Variants in COL27A1 observed in about 807,000 individuals in gnomAD.
The protein encoded by COL27A1 is collagen type XXVII alpha 1 chain.
A neutral mutation model predicts 251.3 loss-of-function variants in COL27A1; 106 were observed. The observed-to-expected ratio is 0.42, with a 90% confidence interval of 0.36 to 0.50. The LOEUF (loss-of-function observed/expected upper bound fraction) is 0.50. COL27A1 is among the 20% of genes least tolerant of loss of function. The probability of loss-of-function intolerance (pLI) is 0.00; values close to 1 mark genes in which losing one functional copy is unlikely to be tolerated. For synonymous variants in COL27A1, 1,000 were observed against 986.3 expected, an observed-to-expected ratio of 1.01 and a Z score of -0.26; for missense variants, 2,325 against 2,522.8, an observed-to-expected ratio of 0.92 and a Z score of 1.68.
chr9:114,196,705 G>A (rs939505314), intron 7 of COL27A1, among the ~76,000 whole-genome samples: 4 of 152,152 alleles, frequency 2.6e-5, no homozygotes, highest in South Asian at 2.1e-4. Context: ...GTTATGTCAC[G>A]CCCATCCCAT....
chr9:114,192,308 C>T (rs1828801570), intron 5 of COL27A1, among the ~76,000 whole-genome samples: 1 of 152,200 alleles, frequency 6.6e-6, no homozygotes, highest in South Asian at 2.1e-4. Flanking sequence ...GAAAGAGCTG[C>T]TGTCCTTTTT....
chr9:114,280,090 T>C (rs531773215), intron 37 of COL27A1, among the ~76,000 whole-genome samples: 165 of 152,352 alleles, frequency 1.1e-3, no homozygotes, highest in African/African-American at 3.9e-3. Context: ...TAAAATTTCA[T>C]TGGAAATACT....
At chr9:114,300,551 G>A in intron 50 of COL27A1, 74 bp from the exon 51 acceptor site, 2 of 1,257,282 alleles carry the variant, frequency 1.6e-6, no homozygotes, top group Non-Finnish European at 2.2e-6. Flanking sequence ...ACAGACCCCA[G>A]GGGTGAGGGA....
chr9:114,231,101 C>T lies in COL27A1; in HGVS notation c.2489C>T (p.Pro830Leu), dbSNP rs774595771. ...CAGGGTGACTTAGGAGTGTTGGGTC[C>T]GATTGGCTACCCGGGACCCAAGGGC... ...GLIGDLGVLG[P>L]IGYPGPKGMK... The change falls in exon 15 of 61, where the codon CCG becomes CTG. Residue 830 changes from proline to leucine, a missense_variant. Pro to Leu is a moderately conservative substitution (Grantham distance 98). Transcript: ENST00000356083. 13 of 1,613,332 alleles carry T rather than the reference C, an allele frequency of 8.1e-6. No individual in the cohort carries two copies. The highest frequency in any genetic ancestry group is 1.6e-4 in the Middle Eastern group (1 of 6,082).
At position 114,243,512 on chromosome 9, in the gene COL27A1, G is replaced by A; in HGVS notation, c.2886G>A (p.Gln962=). ...GPPGAPGLEG[Q]PGRKGFPGRP... is the part of the protein sequence containing the mutation. ...TACCTGTCTCTCTGTTGCAGGGTCA[G>A]CCTGGCAGGAAGGGGTTTCCTGGGA... Residue 962 remains glutamine (Q), a synonymous_variant, in exon 23 of 61, where the codon CAG becomes CAA. Transcript: ENST00000356083. The A allele has an allele frequency of 6.2e-7, 1 of 1,614,014 alleles. No homozygotes were observed. Among genetic ancestry groups the A allele is most frequent in the Non-Finnish European group, 8.5e-7 (1 of 1,179,962 alleles).
intron 14 of COL27A1, among the ~76,000 whole-genome samples, chr9:114,223,255 C>T (rs998624834): frequency 1.3e-5 from 2 of 152,160 alleles, no homozygotes; most frequent in East Asian, 1.9e-4. Flanking sequence ...TTTGGGGGCC[C>T]GTGGAGGGAC....
At chr9:114,281,705 A>G (rs1194703932) in intron 37 of COL27A1, among the ~76,000 whole-genome samples, 1 of 152,180 alleles carries the variant, frequency 6.6e-6, no homozygotes, top group Non-Finnish European at 1.5e-5. Context: ...ATCAGTGGGG[A>G]CCATGAGCCA....
intron 5 of COL27A1, among the ~76,000 whole-genome samples, chr9:114,184,095 C>T (rs763931910): frequency 1.5e-5 from 2 of 134,010 alleles, no homozygotes; most frequent in African/African-American, 2.8e-5. Flanking sequence ...GCTAAGAGAA[C>T]AGTGCCTGTG....
chr9:114,224,323 T>A (rs1007603090), intron 14 of COL27A1, among the ~76,000 whole-genome samples: 3 of 152,178 alleles, frequency 2.0e-5, no homozygotes, highest in Non-Finnish European at 2.9e-5. Flanking sequence ...GGGAGCCTAG[T>A]CCATTCTACA....
chr9:114,290,976 C>G lies in COL27A1; in HGVS notation c.4476+59C>G, dbSNP rs546374896. 6.1e-6 allele frequency: 8 copies of G among 1,306,212 alleles called. No homozygotes were observed. Among genetic ancestry groups the G allele is most frequent in the Non-Finnish European group, 8.5e-6 (8 of 938,722 alleles). The allele number at this position is 1,306,212 out of a possible 1,614,324, so 80.9% of individuals were successfully genotyped here. Reference sequence around the variant, plus strand: ...TGCCCTTTCTGCCTTGATGCAGACTCTAGTGGTTCCGACCCTTTGGGCACC... The same window carrying G: ...TGCCCTTTCTGCCTTGATGCAGACTGTAGTGGTTCCGACCCTTTGGGCACC... On this transcript the variant is annotated intron_variant, in intron 48 of 60. Transcript: ENST00000356083. The surrounding 1 kb of genome is among the most constrained non-coding windows in gnomAD (Gnocchi z 4.6).
intron 3 of COL27A1, among the ~76,000 whole-genome samples, chr9:114,169,845 C>T (rs1404368630): frequency 6.6e-6 from 1 of 152,244 alleles, no homozygotes; most frequent in South Asian, 2.1e-4. Flanking sequence ...CTTCCAAAGC[C>T]CCGTTCTCCC....
intron 5 of COL27A1, among the ~76,000 whole-genome samples, chr9:114,187,351 G>A (rs1328554910): frequency 6.6e-6 from 1 of 152,232 alleles, no homozygotes; most frequent in African/African-American, 2.4e-5. Context: ...CAAGAAGAAA[G>A]TGAGCTATCT....
At chr9:114,283,581 C>A in intron 39 of COL27A1, 128 bp from the exon 40 acceptor site, 1 of 786,814 alleles carries the variant, frequency 1.3e-6, no homozygotes, top group Non-Finnish European at 2.2e-6. Flanking sequence ...TGTTCACACA[C>A]TTTGGTTATG....
At chr9:114,244,946 C>T (rs1468737053) in intron 23 of COL27A1, among the ~76,000 whole-genome samples, 1 of 152,094 alleles carries the variant, frequency 6.6e-6, no homozygotes. Context: ...TGGGACAGAG[C>T]CTTGAAGACA....
chr9:114,201,311 C>A (rs1273028230), intron 7 of COL27A1, among the ~76,000 whole-genome samples: 1 of 152,222 alleles, frequency 6.6e-6, no homozygotes, highest in African/African-American at 2.4e-5. Flanking sequence ...TCAGCACCCG[C>A]CCCATAATTG....
chr9:114,240,119 C>A, intron 19 of COL27A1, 101 bp from the exon 20 acceptor site: 1 of 1,056,616 alleles, frequency 9.5e-7, no homozygotes, highest in Non-Finnish European at 1.5e-6. Context: ...CCCATCCCAG[C>A]AGGATGAGAT....
intron 3 of COL27A1, among the ~76,000 whole-genome samples, chr9:114,176,733 C>A (rs1827484817): frequency 6.6e-6 from 1 of 152,192 alleles, no homozygotes; most frequent in African/African-American, 2.4e-5. Flanking sequence ...TCAGAGGTAG[C>A]TGGGACTTGC....
At chr9:114,182,408 C>T (rs1330331721) in intron 4 of COL27A1, among the ~76,000 whole-genome samples, 5 of 151,156 alleles carry the variant, frequency 3.3e-5, no homozygotes, top group African/African-American at 1.2e-4. Context: ...ACTGGAGGAG[C>T]CCTAGAGGGT....
At chr9:114,217,736 CT>C (rs2135372328) in intron 12 of COL27A1, 1 of 469,596 alleles carries the variant, frequency 2.1e-6, no homozygotes, top group African/African-American at 2.0e-5. Context: ...CAACATTGCC[CT>C]TGTCTCAAGG....
Sources: allele counts gnomAD v4.1 joint callset (sites outside exome capture counted in the v4.1 genomes callset), GRCh38; gene constraint gnomAD v4.1.1; non-coding constraint Gnocchi (gnomAD v3.1); transcripts MANE v1.5; gene names NCBI Gene and HGNC (gene_info 2026-07-23, HGNC 2026-07-21).